CNTN3: variants seen among roughly 807,000 people sequenced by gnomAD.
CNTN3 encodes contactin-3.
CNTN3 carries 60 observed loss-of-function variants against 119.1 expected under a neutral mutation model. The observed-to-expected ratio is 0.50, with a 90% CI of 0.41 to 0.62. The LOEUF is 0.62. Ranked by LOEUF, CNTN3 falls within the 20% of genes least tolerant of loss-of-function variation. The pLI is 0.00. For synonymous variants in CNTN3, 450 were observed against 438.7 expected (o/e 1.03, Z -0.32); for missense variants, 1,101 against 1,242.4 (o/e 0.89, Z 1.71).
intron 1 of CNTN3, among the ~76,000 whole-genome samples, chr3:74,522,201 T>C (rs1332305016): frequency 1.3e-5 from 2 of 151,862 alleles, no homozygotes; most frequent in Non-Finnish European, 2.9e-5. Flanking sequence ...GTACTTAAAA[T>C]AATATGTTAA....
At chr3:74,421,709 C>T (rs1010358542) in intron 5 of CNTN3, among the ~76,000 whole-genome samples, 7 of 152,102 alleles carry the variant, frequency 4.6e-5, no homozygotes, top group South Asian at 2.1e-4. Context: ...AGGGACTGTG[C>T]GACTCTGTGG....
At chr3:74,421,433 G>A (rs1010284783) in intron 5 of CNTN3, among the ~76,000 whole-genome samples, 3 of 152,056 alleles carry the variant, frequency 2.0e-5, no homozygotes, top group Admixed American at 6.5e-5. Context: ...GCCTCCCAAA[G>A]TGCTGGATTA....
chr3:74,568,972 GAAC>G (rs1704268821), intron 1 of CNTN3, among the ~76,000 whole-genome samples: 1 of 152,146 alleles, frequency 6.6e-6, no homozygotes, highest in Admixed American at 6.6e-5. Context: ...CAAAGGAGAT[GAAC>G]CTTGATGGGT....
chr3:74,466,946 T>C (rs1411068588), intron 4 of CNTN3, among the ~76,000 whole-genome samples: 1 of 152,168 alleles, frequency 6.6e-6, no homozygotes, highest in Non-Finnish European at 1.5e-5. Flanking sequence ...GATAACTGAT[T>C]AGTGTTCTCT....
rs548175205 is a variant in CNTN3, at chr3:74,614,433, T to TCGCCGCCGCCGC, written c.-135_-124dup. Among the ~76,000 whole-genome samples the TCGCCGCCGCCGC allele has an allele frequency of 2.9e-4, 42 of 145,446 alleles. No homozygotes were observed. Among genetic ancestry groups the TCGCCGCCGCCGC allele is most frequent in the East Asian group, 1.2e-3 (6 of 4,824 alleles). ...CCAGACGCCCGCCCCGACGGCCCAC[T>TCGCCGCCGCCGC]CGCCGCCGCCGCCGCCGCCGCCGCC... is the stretch of plus-strand genomic sequence containing the variant. On this transcript the variant is annotated 5_prime_UTR_variant, in exon 1 of 23. Coordinates refer to ENST00000263665, the MANE Select transcript of CNTN3 (RefSeq NM_020872.3).
intron 4 of CNTN3, among the ~76,000 whole-genome samples, chr3:74,448,125 T>A (rs537726847): frequency 2.9e-4 from 44 of 152,290 alleles, no homozygotes; most frequent in African/African-American, 9.1e-4. Flanking sequence ...TTACTCAATA[T>A]GATTCATGGA....
chr3:74,335,678 C>T (rs898688369), intron 12 of CNTN3, among the ~76,000 whole-genome samples: 1 of 152,108 alleles, frequency 6.6e-6, no homozygotes, highest in Non-Finnish European at 1.5e-5. Flanking sequence ...TCCTCATAAC[C>T]ATCCTGCTGA....
intron 1 of CNTN3, among the ~76,000 whole-genome samples, chr3:74,553,025 T>A (rs1245022742): frequency 6.6e-6 from 1 of 152,142 alleles, no homozygotes; most frequent in Non-Finnish European, 1.5e-5. Flanking sequence ...CCATGGTGGT[T>A]TGCTGCACTC....
intron 4 of CNTN3, among the ~76,000 whole-genome samples, chr3:74,430,447 G>A (rs1463414938): frequency 6.6e-6 from 1 of 152,100 alleles, no homozygotes; most frequent in Admixed American, 6.5e-5. Flanking sequence ...TTCAAATTTA[G>A]AAATAGGGTT....
At chr3:74,489,178 C>A (rs915691515) in intron 3 of CNTN3, among the ~76,000 whole-genome samples, 1 of 152,108 alleles carries the variant, frequency 6.6e-6, no homozygotes, top group Admixed American at 6.6e-5. Flanking sequence ...CTGTTGGAGA[C>A]GCAGAATCTA....
intron 4 of CNTN3, among the ~76,000 whole-genome samples, chr3:74,442,146 T>TACAC (rs567314995): frequency 0.031 from 3,856 of 123,806 alleles, 157 homozygotes; most frequent in African/African-American, 0.096. Context: ...TGCATGCAAG[T>TACAC]ACACACACAC....
At chr3:74,602,814 G>A (rs1704933124) in intron 1 of CNTN3, among the ~76,000 whole-genome samples, 1 of 152,074 alleles carries the variant, frequency 6.6e-6, no homozygotes, top group Non-Finnish European at 1.5e-5. Flanking sequence ...CTTGACATAT[G>A]ACCAGTCGTA....
intron 4 of CNTN3, among the ~76,000 whole-genome samples, chr3:74,450,570 G>A (rs1226615114): frequency 4.7e-5 from 7 of 150,044 alleles, no homozygotes; most frequent in Admixed American, 1.3e-4. Flanking sequence ...GTGCAGGTTA[G>A]TTACATATGT....
intron 5 of CNTN3, 140 bp from the exon 6 acceptor site, chr3:74,371,539 G>T: frequency 1.6e-6 from 1 of 625,592 alleles, no homozygotes; most frequent in Non-Finnish European, 2.8e-6. Context: ...AAGAGAAGCA[G>T]TTAAGTGAAA....
chr3:74,442,826 T>A (rs1261198667), intron 4 of CNTN3, among the ~76,000 whole-genome samples: 1 of 152,246 alleles, frequency 6.6e-6, no homozygotes, highest in Admixed American at 6.5e-5. Context: ...GAGGTACTTT[T>A]ATTTTTCTCT....
At chr3:74,544,579 G>A (rs963711365) in intron 1 of CNTN3, among the ~76,000 whole-genome samples, 1 of 151,948 alleles carries the variant, frequency 6.6e-6, no homozygotes, top group Non-Finnish European at 1.5e-5. Context: ...ACGTATCCTA[G>A]ATGAAACTCT....
At chr3:74,266,328 C>G (rs1701659030) in intron 22 of CNTN3, among the ~76,000 whole-genome samples, 153 bp downstream of exon 22, 1 of 152,110 alleles carries the variant, frequency 6.6e-6, no homozygotes, top group South Asian at 2.1e-4. Context: ...TGAGGGGTTC[C>G]TCTTGCCCAC....
rs1344730910 is a variant in CNTN3 at position 74,524,374 on chromosome 3, A to G, written c.-80-3182T>C. ...TAGAGTTTATCAACTATTGCGAGTG[A>G]CACCTTGTTTAAATGAGTATGGGGT... On this transcript the variant is annotated intron_variant, in intron 1 of 22. Transcript: ENST00000263665. Among the ~76,000 whole-genome samples, 5 of 151,834 alleles carry G rather than the reference A, an allele frequency of 3.3e-5. No individual in the cohort carries two copies. In the East Asian group the frequency reaches 5.8e-4, roughly 18 times the overall value.
In CNTN3 at chr3:74,302,834, A is replaced by G. The variant is rs761728734; in HGVS notation, c.1669-27T>C. Reference sequence around the variant, plus strand: ...TGTTGGGAAAACAGGTAATGAATACACTGTTATTTTTTTAAAAAACACAAA... The same window carrying G: ...TGTTGGGAAAACAGGTAATGAATACGCTGTTATTTTTTTAAAAAACACAAA... On this transcript the variant is annotated intron_variant, in intron 13 of 22. Coordinates refer to ENST00000263665, the MANE Select transcript of CNTN3 (RefSeq NM_020872.3). 9 of 1,406,358 alleles carry G rather than the reference A, an allele frequency of 6.4e-6. No individual in the cohort carries two copies. The African/African-American group carries it at 1.1e-4, about 18-fold the overall frequency. 87.1% of individuals were successfully genotyped at this position (1,406,358 alleles called of 1,614,324 possible).
Sources: allele counts gnomAD v4.1 joint callset (sites outside exome capture counted in the v4.1 genomes callset), GRCh38; gene constraint gnomAD v4.1.1; transcripts MANE v1.5; gene names NCBI Gene and HGNC (gene_info 2026-07-23, HGNC 2026-07-21).